The following SNX29 variants were observed in gnomAD, a reference collection of about 807,000 sequenced individuals.
The protein encoded by SNX29 is sorting nexin-29.
In SNX29, 78 loss-of-function variants were observed where a neutral mutation model predicts 102.1. That is an observed-to-expected ratio of 0.76 (90% confidence interval 0.64 to 0.92). SNX29 has a LOEUF of 0.92. Ranked by LOEUF, SNX29 falls within the 40% of genes least tolerant of loss-of-function variation. The pLI, the probability that SNX29 is intolerant of heterozygous loss-of-function variation, is 0.00. For missense variants in SNX29, 1,280 were observed against 1,061.7 expected (o/e 1.21, Z -2.86); for synonymous variants, 580 against 414.5 (o/e 1.40, Z -4.85).
chr16:12,236,009 T>A (rs1247495272), intron 14 of SNX29, among the ~76,000 whole-genome samples: 1 of 152,192 alleles, frequency 6.6e-6, no homozygotes, highest in Non-Finnish European at 1.5e-5. Context: ...ACGGAATAAA[T>A]GTTATTTAAA....
intron 13 of SNX29, among the ~76,000 whole-genome samples, chr16:12,169,252 G>A (rs1201113960): frequency 6.6e-6 from 1 of 152,210 alleles, no homozygotes; most frequent in Non-Finnish European, 1.5e-5. Flanking sequence ...GGCTGTCCGG[G>A]AGCCCCAGTT....
At chr16:12,549,914 C>T (rs1308343886) in intron 20 of SNX29, among the ~76,000 whole-genome samples, 10 of 152,218 alleles carry the variant, frequency 6.6e-5, no homozygotes, top group African/African-American at 2.2e-4. Flanking sequence ...GGCCCACAGG[C>T]CAAATCTTAC....
chr16:12,307,439 C>T (rs1023516158), intron 15 of SNX29, among the ~76,000 whole-genome samples: 1 of 152,160 alleles, frequency 6.6e-6, no homozygotes, highest in Non-Finnish European at 1.5e-5. Context: ...AGGACAGTGC[C>T]AGGCGTGTGG....
At chr16:12,509,944 T>C (rs950417731) in intron 19 of SNX29, among the ~76,000 whole-genome samples, 1 of 152,264 alleles carries the variant, frequency 6.6e-6, no homozygotes, top group Non-Finnish European at 1.5e-5. Context: ...TAAATTTGTT[T>C]CCTTCCAGAA....
Position 12,568,672 on chromosome 16 carries a change from C to G in SNX29, c.*43C>G, listed in dbSNP as rs373991486. On this transcript the variant is annotated 3_prime_UTR_variant, in exon 21 of 21. Transcript: ENST00000566228. ...CCACGGGCCCTGTGCGTGGCACCAG[C>G]TGCGTCCACCCCAGCCACTGCCGCT... 1.3e-6 allele frequency: 2 copies of G among 1,589,702 alleles called. No individual in the cohort carries two copies. The highest frequency in any genetic ancestry group is 1.7e-5 in the Admixed American group (1 of 59,168).
intron 18 of SNX29, among the ~76,000 whole-genome samples, chr16:12,404,184 G>C (rs1434829523): frequency 6.6e-6 from 1 of 152,126 alleles, no homozygotes; most frequent in Non-Finnish European, 1.5e-5. Context: ...CAAAAGAAGG[G>C]GCAATGGATA....
rs554998252 is a variant in SNX29, at chr16:12,542,546, G to C, written c.2318+17705G>C. 4.6e-3 allele frequency among the ~76,000 whole-genome samples: 706 copies of C among 152,294 alleles called. 3 individuals carry two copies. The highest frequency in any genetic ancestry group is 0.016 in the African/African-American group (663 of 41,556). On this transcript the variant is annotated intron_variant, in intron 20 of 20. Coordinates refer to ENST00000566228, the MANE Select transcript of SNX29 (RefSeq NM_032167.5). ...AGGGTTTCACCACGTTGGCCAGGCT[G>C]ATCTTGAACTCCTGACCTCAAGTGA...
chr16:12,047,200 C>G (rs2050123367), intron 6 of SNX29, among the ~76,000 whole-genome samples: 1 of 152,156 alleles, frequency 6.6e-6, no homozygotes, highest in Non-Finnish European at 1.5e-5. Context: ...GAGTCGCACA[C>G]ATGACGAGTC....
intron 11 of SNX29, among the ~76,000 whole-genome samples, chr16:12,110,577 C>T (rs1311828689): frequency 6.6e-6 from 1 of 152,072 alleles, no homozygotes; most frequent in African/African-American, 2.4e-5. Flanking sequence ...TGCTTGACTC[C>T]CTTTGGTTTC....
chr16:12,504,529 A>C (rs546422541), intron 19 of SNX29, among the ~76,000 whole-genome samples: 11 of 152,314 alleles, frequency 7.2e-5, no homozygotes, highest in African/African-American at 2.6e-4. Flanking sequence ...CAGAAGGATC[A>C]TGTTTCCATG....
At chr16:12,124,690 C>T (rs1469749739) in intron 11 of SNX29, among the ~76,000 whole-genome samples, 1 of 152,198 alleles carries the variant, frequency 6.6e-6, no homozygotes, top group African/African-American at 2.4e-5. Context: ...TGGTTCCTTG[C>T]TCAGCTGCAT....
In SNX29 at chr16:12,028,393, T is replaced by G. The variant is rs940904743; in HGVS notation, c.247+949T>G. 3.3e-5 allele frequency among the ~76,000 whole-genome samples: 5 copies of G among 152,204 alleles called. No homozygotes were observed. In the East Asian group the frequency reaches 9.6e-4, roughly 29 times the overall value. On this transcript the variant is annotated intron_variant, in intron 4 of 20. Coordinates refer to ENST00000566228, the MANE Select transcript of SNX29 (RefSeq NM_032167.5). ...TTATTTATTTTTTAGAGTTGGGGTCTTGCTCTGTTGCCCAGGCTGAAGTGC... is the reference window on the plus strand; with the variant it reads ...TTATTTATTTTTTAGAGTTGGGGTCGTGCTCTGTTGCCCAGGCTGAAGTGC...
chr16:12,145,390 G>T (rs934805179), intron 13 of SNX29, among the ~76,000 whole-genome samples: 3 of 152,106 alleles, frequency 2.0e-5, no homozygotes, highest in African/African-American at 7.2e-5. Flanking sequence ...ATTTTATTCT[G>T]TTGCTATGTA....
chr16:12,115,922 C>G (rs1298953602), intron 11 of SNX29, among the ~76,000 whole-genome samples: 1 of 152,234 alleles, frequency 6.6e-6, no homozygotes, highest in Admixed American at 6.5e-5. Context: ...GAGCAGCTGT[C>G]TTCCTTTCCA....
chr16:12,155,863 GCCC>G (rs2141623480), intron 13 of SNX29, among the ~76,000 whole-genome samples: 1 of 152,260 alleles, frequency 6.6e-6, no homozygotes, highest in Non-Finnish European at 1.5e-5. Flanking sequence ...AGATGGCTGG[GCCC>G]ATCCTCATGA....
intron 14 of SNX29, among the ~76,000 whole-genome samples, chr16:12,235,815 GTA>G (rs1329922277): frequency 1.3e-5 from 2 of 152,000 alleles, no homozygotes; most frequent in East Asian, 1.9e-4. Flanking sequence ...GTGTGTATGT[GTA>G]TGTGTGTGTG....
chr16:12,216,646 G>A (rs369997920), intron 14 of SNX29, among the ~76,000 whole-genome samples: 1 of 152,190 alleles, frequency 6.6e-6, no homozygotes, highest in African/African-American at 2.4e-5. Flanking sequence ...TGTTGGCCGA[G>A]AAAGTTCTAG....
At position 12,420,329 on chromosome 16, in the gene SNX29, C is replaced by G. The variant is rs535731353; in HGVS notation, c.2037+16800C>G. 7.7e-4 allele frequency among the ~76,000 whole-genome samples: 118 copies of G among 152,346 alleles called. 1 individual carries two copies. The South Asian group carries it at 0.02, about 26-fold the overall frequency. ...TATTTCACAGAATCGAAGACACCGT[C>G]AAGTGTTAGACCCATCCTGATTTCA... is the stretch of plus-strand genomic sequence containing the variant. On this transcript the variant is annotated intron_variant, in intron 18 of 20. Coordinates refer to ENST00000566228, the MANE Select transcript of SNX29 (RefSeq NM_032167.5).
At chr16:12,188,260 T>C (rs917248669) in intron 13 of SNX29, among the ~76,000 whole-genome samples, 53 of 152,236 alleles carry the variant, frequency 3.5e-4, no homozygotes, top group Admixed American at 3.3e-3. Flanking sequence ...CTGTAGTTTC[T>C]GAAGGTAGAT....
Sources: gnomAD v4.1 joint callset for allele counts (sites outside exome capture counted in the v4.1 genomes callset) on GRCh38, gnomAD v4.1.1 for gene constraint, MANE v1.5 for transcripts, NCBI Gene and HGNC (gene_info 2026-07-23, HGNC 2026-07-21) for gene names.